The following RAPGEF6 variants were observed in gnomAD, a reference collection of about 807,000 sequenced individuals.
The protein encoded by RAPGEF6 is Rap guanine nucleotide exchange factor 6.
In RAPGEF6, 56 loss-of-function variants were observed where a neutral mutation model predicts 171.4. That is an observed-to-expected ratio of 0.33 (90% CI 0.26 to 0.41). The LOEUF (loss-of-function observed/expected upper bound fraction) is 0.41, where lower values mean the gene tolerates loss of function less well. RAPGEF6 is among the 10% of genes least tolerant of loss of function. The pLI is 1.00. For synonymous variants in RAPGEF6, 692 were observed against 650.1 expected, an observed-to-expected ratio of 1.06 and a Z score of -0.98; for missense variants, 1,674 against 1,921.4, an observed-to-expected ratio of 0.87 and a Z score of 2.41.
At chr5:131,596,393 T>C (rs1014815411) in intron 3 of RAPGEF6, among the ~76,000 whole-genome samples, 2 of 150,220 alleles carry the variant, frequency 1.3e-5, no homozygotes, top group Non-Finnish European at 3.0e-5. Flanking sequence ...ATATTTACAG[T>C]ATATATTAAC....
Position 131,510,511 on chromosome 5 carries a change from T to C in RAPGEF6, c.628-20A>G, listed in dbSNP as rs745913214. ...CGTAGCCTATGAAAAGAAATCTTGA[T>C]CACTTACCATTTCATGTAAAAAATA... On this transcript the variant is annotated intron_variant, in intron 7 of 27. Coordinates refer to ENST00000509018, the MANE Select transcript of RAPGEF6 (RefSeq NM_016340.6). 26 of 1,602,270 alleles carry C rather than the reference T, an allele frequency of 1.6e-5. No individual in the cohort carries two copies. The South Asian group carries it at 2.4e-4, about 14-fold the overall frequency.
chr5:131,575,635 G>C (rs550666551), intron 4 of RAPGEF6, among the ~76,000 whole-genome samples: 1 of 152,066 alleles, frequency 6.6e-6, no homozygotes, highest in African/African-American at 2.4e-5. Context: ...AACTCACAAA[G>C]GGAAACCTGA....
At chr5:131,510,229 A>G in intron 8 of RAPGEF6, 85 bp downstream of exon 8, 1 of 1,320,630 alleles carries the variant, frequency 7.6e-7, no homozygotes, top group South Asian at 1.5e-5. Context: ...ACATTTATTA[A>G]GTTTTAGAAT....
chr5:131,468,331 C>CAAAAAA (rs397760383), intron 17 of RAPGEF6, among the ~76,000 whole-genome samples: 5 of 46,040 alleles, frequency 1.1e-4, no homozygotes, highest in Admixed American at 2.1e-4. Context: ...GACTCCATCT[C>CAAAAAA]AAAAAAAAAA....
intron 24 of RAPGEF6, chr5:131,436,503 A>G (rs1404179734): frequency 3.4e-6 from 3 of 884,976 alleles, no homozygotes; most frequent in African/African-American, 1.7e-5. Context: ...ATCTAGCAAC[A>G]TATTTTTTAA....
chr5:131,550,654 A>G (rs1760864737), intron 5 of RAPGEF6, among the ~76,000 whole-genome samples: 1 of 152,228 alleles, frequency 6.6e-6, no homozygotes, highest in South Asian at 2.1e-4. Flanking sequence ...TATCATTTAG[A>G]CACTACCTAT....
At chr5:131,598,856 G>C (rs1764058410) in intron 3 of RAPGEF6, among the ~76,000 whole-genome samples, 1 of 152,122 alleles carries the variant, frequency 6.6e-6, no homozygotes. Context: ...CCTCCCAAAG[G>C]CTTTCTTGTG....
intron 4 of RAPGEF6, among the ~76,000 whole-genome samples, chr5:131,571,649 G>T (rs1762295171): frequency 6.6e-6 from 1 of 152,178 alleles, no homozygotes; most frequent in Admixed American, 6.5e-5. Context: ...CCCTAAACTG[G>T]TTTATAGATT....
At chr5:131,556,968 T>C (rs1002387273) in intron 5 of RAPGEF6, among the ~76,000 whole-genome samples, 1 of 152,204 alleles carries the variant, frequency 6.6e-6, no homozygotes, top group Admixed American at 6.5e-5. Context: ...GTTTTGTTTG[T>C]TGGTTTTATA....
chr5:131,577,757 G>A (rs1355972205), intron 4 of RAPGEF6, among the ~76,000 whole-genome samples: 2 of 152,186 alleles, frequency 1.3e-5, no homozygotes, highest in Non-Finnish European at 2.9e-5. Context: ...TGGACAGCCA[G>A]CCTGATCCCT....
At chr5:131,461,483 C>T (rs916639998) in intron 19 of RAPGEF6, among the ~76,000 whole-genome samples, 3 of 151,978 alleles carry the variant, frequency 2.0e-5, no homozygotes, top group Admixed American at 6.6e-5. Flanking sequence ...AAGGCAATCA[C>T]CCACTTTCAT....
intron 6 of RAPGEF6, among the ~76,000 whole-genome samples, chr5:131,527,398 AC>A (rs1290517352): frequency 2.0e-5 from 3 of 152,230 alleles, no homozygotes; most frequent in African/African-American, 7.2e-5. Context: ...TTGGCAAAAA[AC>A]AAGTATGATA....
intron 1 of RAPGEF6, among the ~76,000 whole-genome samples, chr5:131,606,085 G>A (rs1764557136): frequency 6.7e-6 from 1 of 149,490 alleles, no homozygotes; most frequent in Admixed American, 6.6e-5. Flanking sequence ...GCATCAAGCT[G>A]AGCACAGTGG....
chr5:131,529,871 C>CTGGGCAACAGAGCAGGGCCT (rs1759249964), intron 6 of RAPGEF6, among the ~76,000 whole-genome samples: 2 of 149,808 alleles, frequency 1.3e-5, no homozygotes, highest in East Asian at 3.9e-4. Context: ...GCACTCCAGC[C>CTGGGCAACAGAGCAGGGCCT]TGGGCAACAG....
At chr5:131,582,925 G>C (rs995710829) in intron 4 of RAPGEF6, among the ~76,000 whole-genome samples, 4 of 152,134 alleles carry the variant, frequency 2.6e-5, no homozygotes, top group African/African-American at 7.2e-5. Flanking sequence ...CTTATTGCTA[G>C]GTATTTTTCA....
At chr5:131,433,768 G>C in intron 24 of RAPGEF6, 110 bp from the exon 25 acceptor site, 1 of 818,920 alleles carries the variant, frequency 1.2e-6, no homozygotes, top group Non-Finnish European at 1.9e-6. Flanking sequence ...AGAAGACAAA[G>C]TAGAAGCAAT....
intron 3 of RAPGEF6, among the ~76,000 whole-genome samples, chr5:131,593,108 T>G (rs1342113280): frequency 6.6e-6 from 1 of 152,122 alleles, no homozygotes; most frequent in Non-Finnish European, 1.5e-5. Context: ...AAAATGCAAA[T>G]GAAAACAACT....
At position 131,501,354 on chromosome 5, in the gene RAPGEF6, C is replaced by T. The variant is rs1757014797; in HGVS notation, c.1255-2747G>A. On this transcript the variant is annotated intron_variant, in intron 11 of 27. Coordinates refer to ENST00000509018, the MANE Select transcript of RAPGEF6 (RefSeq NM_016340.6). ...TTGTCTCCAAAAAAAAAAAAAAAAT[C>T]AAATGATCAATCCTTCTATGAGCAA... is the stretch of plus-strand genomic sequence containing the variant. Among the ~76,000 whole-genome samples, 3 of 148,842 alleles carry T rather than the reference C, an allele frequency of 2.0e-5. No homozygotes were observed. In the South Asian group the frequency reaches 6.4e-4, roughly 32 times the overall value.
chr5:131,461,611 T>C (rs1753939642), intron 19 of RAPGEF6, 94 bp downstream of exon 19: 1 of 1,222,996 alleles, frequency 8.2e-7, no homozygotes, highest in Non-Finnish European at 1.1e-6. Flanking sequence ...TAATTGAACA[T>C]TTCTTTTCAT....
Sources: allele counts gnomAD v4.1 joint callset (sites outside exome capture counted in the v4.1 genomes callset), GRCh38; gene constraint gnomAD v4.1.1; transcripts MANE v1.5; gene names NCBI Gene and HGNC (gene_info 2026-07-23, HGNC 2026-07-21).